Variants in AUTS2 observed in about 807,000 individuals in gnomAD.
The protein encoded by AUTS2 is activator of transcription and developmental regulator AUTS2.
Under a neutral mutation model 112.4 loss-of-function variants are expected in AUTS2, and 17 were observed. The ratio of observed to expected loss-of-function variants is 0.15; its 90% CI spans 0.10 to 0.23. The LOEUF (loss-of-function observed/expected upper bound fraction) is 0.23. AUTS2 is among the 10% of genes least tolerant of loss of function. AUTS2 has a pLI of 1.00. For synonymous variants in AUTS2, 751 were observed against 702.7 expected, an observed-to-expected ratio of 1.07 and a Z score of -1.09; for missense variants, 1,510 against 1,701.6, an observed-to-expected ratio of 0.89 and a Z score of 1.98.
rs1563018163 is a variant in AUTS2, at chr7:70,528,107, T to TA, written c.690+92326_690+92327insA. 6.0e-3 allele frequency among the ~76,000 whole-genome samples: 631 copies of TA among 105,742 alleles called. 6 individuals are homozygous for TA. The highest frequency in any genetic ancestry group is 0.02 in the African/African-American group (576 of 28,582). 69.4% of individuals were successfully genotyped at this position (105,742 alleles called of 152,430 possible). Reference sequence around the variant, plus strand: ...TAAATTTAAGGATTTTTTTTTTTTTTTTTTTTTTTTTTACTGGAGTGTTAC... The same window carrying TA: ...TAAATTTAAGGATTTTTTTTTTTTTTATTTTTTTTTTTTACTGGAGTGTTAC... On this transcript the variant is annotated intron_variant, in intron 5 of 18. Transcript: ENST00000342771.
intron 6 of AUTS2, among the ~76,000 whole-genome samples, chr7:70,730,646 A>T (rs946581904): frequency 6.6e-6 from 1 of 151,940 alleles, no homozygotes; most frequent in African/African-American, 2.4e-5. Flanking sequence ...TTGTTTATTG[A>T]TTCATCAGTT....
chr7:69,640,530 A>G (rs1430254299), intron 1 of AUTS2, among the ~76,000 whole-genome samples: 5 of 152,250 alleles, frequency 3.3e-5, no homozygotes, highest in Non-Finnish European at 7.3e-5. Context: ...TTTCCCAGAA[A>G]GTATTCCTTA....
rs570087979 is a variant in AUTS2, at chr7:70,088,838, C to T, written c.523-29294C>T. On this transcript the variant is annotated intron_variant, in intron 2 of 18. Transcript: ENST00000342771. ...AATGTTGGCCAGGTGTGAGCCACCG[C>T]GCCTGTCCGAGACCCATCTTGCTTT... is the stretch of plus-strand genomic sequence containing the variant. 2.6e-4 allele frequency among the ~76,000 whole-genome samples: 40 copies of T among 152,004 alleles called. 1 individual carries two copies. The South Asian group carries it at 4.0e-3, about 15-fold the overall frequency.
At chr7:69,975,153 C>T (rs946687636) in intron 2 of AUTS2, among the ~76,000 whole-genome samples, 11 of 151,812 alleles carry the variant, frequency 7.2e-5, no homozygotes, top group African/African-American at 2.7e-4. Context: ...TTCTTTCTTT[C>T]TTTTCTTTTT....
At chr7:70,698,859 A>G (rs186421387) in intron 6 of AUTS2, 11 of 381,756 alleles carry the variant, frequency 2.9e-5, no homozygotes, top group Non-Finnish European at 1.4e-5. Flanking sequence ...ACTAATCACT[A>G]CTACTATGTG....
intron 4 of AUTS2, among the ~76,000 whole-genome samples, chr7:70,218,107 A>G (rs1390866492): frequency 6.6e-6 from 1 of 152,200 alleles, no homozygotes; most frequent in Non-Finnish European, 1.5e-5. Flanking sequence ...GGTGTCTGCA[A>G]GAAAACAAAG....
chr7:70,403,103 C>T (rs1330178333), intron 4 of AUTS2, among the ~76,000 whole-genome samples: 4 of 152,158 alleles, frequency 2.6e-5, no homozygotes, highest in Non-Finnish European at 5.9e-5. Flanking sequence ...CAGGATTTTA[C>T]GGGAAAGGTA....
At chr7:70,372,336 C>G (rs1468549491) in intron 4 of AUTS2, among the ~76,000 whole-genome samples, 1 of 152,116 alleles carries the variant, frequency 6.6e-6, no homozygotes, top group African/African-American at 2.4e-5. Flanking sequence ...GGAAGATATC[C>G]TAGTACTTTT....
intron 5 of AUTS2, among the ~76,000 whole-genome samples, chr7:70,614,773 G>GTA (rs1563077180): frequency 6.6e-6 from 1 of 152,168 alleles, no homozygotes; most frequent in African/African-American, 2.4e-5. Flanking sequence ...CTGGTAATCT[G>GTA]TGCTTACAGC....
intron 1 of AUTS2, among the ~76,000 whole-genome samples, chr7:69,728,989 A>G (rs1202642076): frequency 2.6e-5 from 4 of 152,172 alleles, no homozygotes. Flanking sequence ...TTTACAGTGC[A>G]CACAGAAAGC....
intron 4 of AUTS2, chr7:70,291,601 C>T (rs1374823675): frequency 6.6e-6 from 1 of 152,070 alleles, no homozygotes; most frequent in Non-Finnish European, 1.5e-5. Context: ...GACAATGTCC[C>T]CAGTTACAGA....
At chr7:70,588,130 G>T (rs1802767928) in intron 5 of AUTS2, among the ~76,000 whole-genome samples, 1 of 152,328 alleles carries the variant, frequency 6.6e-6, no homozygotes, top group East Asian at 1.9e-4. Context: ...GTAATGCTCT[G>T]TTTAAAAGGA....
intron 2 of AUTS2, among the ~76,000 whole-genome samples, chr7:69,939,464 G>A (rs1033753717): frequency 2.0e-5 from 3 of 152,078 alleles, no homozygotes; most frequent in Non-Finnish European, 4.4e-5. Flanking sequence ...GCAGGAGCTG[G>A]GGTAGCTTCA....
chr7:70,179,018 T>C (rs188088221), intron 4 of AUTS2, among the ~76,000 whole-genome samples: 32 of 152,292 alleles, frequency 2.1e-4, no homozygotes, highest in African/African-American at 7.7e-4. Flanking sequence ...CCTTCTCTTC[T>C]GTTTACCCTG....
chr7:70,213,557 T>G (rs2129589148), intron 4 of AUTS2, among the ~76,000 whole-genome samples: 1 of 149,316 alleles, frequency 6.7e-6, no homozygotes, highest in East Asian at 2.0e-4. Flanking sequence ...AAAAAAAAGT[T>G]ACTATTTTAA....
chr7:69,806,492 A>C (rs1790314519), intron 1 of AUTS2, among the ~76,000 whole-genome samples: 1 of 151,472 alleles, frequency 6.6e-6, no homozygotes, highest in South Asian at 2.1e-4. Context: ...TTTGAGACAG[A>C]GGCTCACTCC....
chr7:69,843,746 T>C (rs1792078795), intron 1 of AUTS2, among the ~76,000 whole-genome samples: 1 of 152,112 alleles, frequency 6.6e-6, no homozygotes, highest in South Asian at 2.1e-4. Flanking sequence ...CTAGCTCAAA[T>C]GGTAATCAAC....
chr7:70,330,747 A>G (rs1790707755), intron 4 of AUTS2, among the ~76,000 whole-genome samples: 1 of 152,132 alleles, frequency 6.6e-6, no homozygotes, highest in African/African-American at 2.4e-5. Context: ...CTGTCTCCCA[A>G]CCCATGAACA....
intron 2 of AUTS2, among the ~76,000 whole-genome samples, chr7:69,995,715 T>TG (rs1465682552): frequency 1.3e-5 from 2 of 152,194 alleles, no homozygotes; most frequent in Non-Finnish European, 1.5e-5. Flanking sequence ...GAGTTCTTTC[T>TG]GGTTGTTATC....
Sources: allele counts gnomAD v4.1 joint callset (sites outside exome capture counted in the v4.1 genomes callset), GRCh38; gene constraint gnomAD v4.1.1; transcripts MANE v1.5; gene names NCBI Gene and HGNC (gene_info 2026-07-23, HGNC 2026-07-21).